Variants in NAF1 observed in about 807,000 individuals in gnomAD.
The protein encoded by NAF1 is H/ACA ribonucleoprotein complex non-core subunit NAF1.
A neutral mutation model predicts 40.6 loss-of-function variants in NAF1; 11 were observed. The observed-to-expected ratio is 0.27, with a 90% CI of 0.17 to 0.45. NAF1 has a LOEUF of 0.45. Ranked by LOEUF, NAF1 falls within the 20% of genes least tolerant of loss-of-function variation. NAF1 has a pLI of 1.00. For missense variants in NAF1, 607 were observed against 611.1 expected (o/e 0.99, Z 0.07); for synonymous variants, 260 against 228.5 (o/e 1.14, Z -1.24).
chr4:163,165,828 A>G (rs1293628512), intron 1 of NAF1, among the ~76,000 whole-genome samples: 3 of 152,226 alleles, frequency 2.0e-5, no homozygotes, highest in Non-Finnish European at 4.4e-5. Flanking sequence ...ATACTACTAA[A>G]TAACACTGTT....
At chr4:163,108,452 A>G (rs6814177), downstream of NAF1, among the ~76,000 whole-genome samples, 32,659 of 152,140 alleles carry the variant, frequency 0.21, 3,658 homozygotes, top group Non-Finnish European at 0.24. Context: ...TTACTCCCCA[A>G]CTTCAATTAT....
downstream of NAF1, among the ~76,000 whole-genome samples, chr4:163,123,538 T>C (rs934081456): frequency 6.6e-6 from 1 of 152,138 alleles, no homozygotes; most frequent in Admixed American, 6.5e-5. Context: ...TGCGTAACCA[T>C]GCTCGGCTAA....
At chr4:163,122,897 C>T (rs911165941), downstream of NAF1, among the ~76,000 whole-genome samples, 5 of 152,188 alleles carry the variant, frequency 3.3e-5, no homozygotes, top group African/African-American at 1.2e-4. Flanking sequence ...ATACATTACC[C>T]AGTCTGTGAT....
chr4:163,153,234 G>A (rs1040089071), intron 2 of NAF1, among the ~76,000 whole-genome samples: 4 of 152,218 alleles, frequency 2.6e-5, no homozygotes, highest in Non-Finnish European at 4.4e-5. Context: ...GAGTACGAGC[G>A]CATGGCGTGG....
At chr4:163,161,297 AC>A (rs1732209253) in intron 2 of NAF1, among the ~76,000 whole-genome samples, 1 of 152,084 alleles carries the variant, frequency 6.6e-6, no homozygotes. Flanking sequence ...ACATGGCAAA[AC>A]CCTGTCTCTA....
chr4:163,138,225 G>T (rs1305250801), intron 5 of NAF1, among the ~76,000 whole-genome samples: 1 of 152,018 alleles, frequency 6.6e-6, no homozygotes, highest in Admixed American at 6.6e-5. Context: ...TTAAATTTTT[G>T]ATTCGGAACT....
intron 5 of NAF1, among the ~76,000 whole-genome samples, chr4:163,137,560 C>T (rs1731108134): frequency 6.6e-6 from 1 of 152,120 alleles, no homozygotes; most frequent in South Asian, 2.1e-4. Context: ...TTTCACAAAA[C>T]TCAGTTTAAA....
chr4:163,115,502 A>G (rs1730308529), intron 2 of NAF1, among the ~76,000 whole-genome samples: 1 of 152,098 alleles, frequency 6.6e-6, no homozygotes, highest in Non-Finnish European at 1.5e-5. Flanking sequence ...AGCCAGGACA[A>G]TAATTTTTTT....
At chr4:163,130,952 C>T (rs1279846747) in intron 7 of NAF1, among the ~76,000 whole-genome samples, 1 of 152,210 alleles carries the variant, frequency 6.6e-6, no homozygotes, top group Non-Finnish European at 1.5e-5. Flanking sequence ...GATCTCAGCT[C>T]ACTGCAACCT....
chr4:163,134,656 T>C (rs1579147104), intron 6 of NAF1, among the ~76,000 whole-genome samples: 1 of 152,276 alleles, frequency 6.6e-6, no homozygotes, highest in Middle Eastern at 3.4e-3. Context: ...CTTCTTGGTA[T>C]GGATAACCCA....
At chr4:163,126,729 T>G (rs183256950), downstream of NAF1, 6 of 307,294 alleles carry the variant, frequency 2.0e-5, no homozygotes, top group Non-Finnish European at 5.9e-6. Flanking sequence ...TAGCATCACA[T>G]GCTACACAGA....
chr4:163,125,133 C>T (rs1311212178), downstream of NAF1, among the ~76,000 whole-genome samples: 1 of 152,164 alleles, frequency 6.6e-6, no homozygotes, highest in African/African-American at 2.4e-5. Flanking sequence ...GTTTCCTTTT[C>T]TCTCTCCTCA....
chr4:163,108,642 A>C (rs1319534006), downstream of NAF1: 2 of 152,232 alleles, frequency 1.3e-5, no homozygotes, highest in Non-Finnish European at 2.9e-5. Flanking sequence ...TGCTTCACTG[A>C]TATTTTCTTC....
At chr4:163,136,965 A>G (rs1731081805) in intron 6 of NAF1, among the ~76,000 whole-genome samples, 1 of 152,238 alleles carries the variant, frequency 6.6e-6, no homozygotes, top group African/African-American at 2.4e-5. Context: ...TTATTAAAAT[A>G]CAACTAAATG....
At chr4:163,125,734 A>T (rs1485010573), downstream of NAF1, among the ~76,000 whole-genome samples, 1 of 152,250 alleles carries the variant, frequency 6.6e-6, no homozygotes, top group African/African-American at 2.4e-5. Context: ...CAGTGTACAT[A>T]AAATAGCCTT....
In NAF1 at chr4:163,145,156, T is replaced by C. The variant is rs41494452; in HGVS notation, c.717+626A>G. 6.3e-3 allele frequency among the ~76,000 whole-genome samples: 958 copies of C among 152,342 alleles called. 5 individuals are homozygous for C. The highest frequency in any genetic ancestry group is 0.022 in the African/African-American group (916 of 41,584). On this transcript the variant is annotated intron_variant, in intron 4 of 7. Coordinates refer to ENST00000274054, the MANE Select transcript of NAF1 (RefSeq NM_138386.3). ...CTGCCAACCAGTCAGAATTGCCTAGTTGCTGAGTAAAGTGCACAGTTTTCT... is the reference window on the plus strand; with the variant it reads ...CTGCCAACCAGTCAGAATTGCCTAGCTGCTGAGTAAAGTGCACAGTTTTCT...
intron 7 of NAF1, among the ~76,000 whole-genome samples, chr4:163,132,820 G>C (rs1299263426): frequency 1.3e-5 from 2 of 152,204 alleles, no homozygotes; most frequent in Non-Finnish European, 1.5e-5. Context: ...AAGGTAAAGG[G>C]AATGCATGTT....
chr4:163,119,101 A>C (rs548172385), intron 2 of NAF1, among the ~76,000 whole-genome samples: 1 of 152,276 alleles, frequency 6.6e-6, no homozygotes, highest in South Asian at 2.1e-4. Context: ...TCTGGTCTTC[A>C]TTTCTCTCCT....
In NAF1 at chr4:163,134,587, C is replaced by T. The variant is rs1011865151; in HGVS notation, c.931-1331G>A. 1.1e-4 allele frequency among the ~76,000 whole-genome samples: 16 copies of T among 152,072 alleles called. 2 individuals carry two copies. Among genetic ancestry groups the T allele is most frequent in the Admixed American group, 1.0e-3 (16 of 15,268 alleles). ...AGATTAAATGTACAATGAACAAGTG[C>T]TACGACTTAATGCTATGTTATTATA... On this transcript the variant is annotated intron_variant, in intron 6 of 7. Transcript: ENST00000274054.
Sources: gnomAD v4.1 joint callset for allele counts (sites outside exome capture counted in the v4.1 genomes callset) on GRCh38, gnomAD v4.1.1 for gene constraint, MANE v1.5 for transcripts, NCBI Gene and HGNC (gene_info 2026-07-23, HGNC 2026-07-21) for gene names.